The following KCNIP4 variants were observed in gnomAD, a reference collection of about 807,000 sequenced individuals.
The protein encoded by KCNIP4 is Kv channel-interacting protein 4.
KCNIP4 carries 12 observed loss-of-function variants against 34.0 expected under a neutral mutation model. The observed-to-expected ratio is 0.35, with a 90% confidence interval of 0.23 to 0.57. KCNIP4 has a LOEUF of 0.57. KCNIP4 is among the 20% of genes least tolerant of loss of function. KCNIP4 has a pLI of 0.83. For missense variants in KCNIP4, 238 were observed against 311.7 expected, an observed-to-expected ratio of 0.76 and a Z score of 1.78; for synonymous variants, 124 against 102.2, an observed-to-expected ratio of 1.21 and a Z score of -1.29.
chr4:21,345,943 T>G (rs1307550756), intron 1 of KCNIP4, among the ~76,000 whole-genome samples: 1 of 149,936 alleles, frequency 6.7e-6, no homozygotes, highest in Non-Finnish European at 1.5e-5. Flanking sequence ...TATGATTTCA[T>G]TTTGGAGCAC....
chr4:21,609,618 A>G (rs1743993055), intron 1 of KCNIP4, among the ~76,000 whole-genome samples: 1 of 152,244 alleles, frequency 6.6e-6, no homozygotes, highest in Admixed American at 6.5e-5. Context: ...AAGTAATCAC[A>G]ATGAAGATGA....
At chr4:20,774,738 G>C (rs1311852306) in intron 3 of KCNIP4, among the ~76,000 whole-genome samples, 1 of 152,146 alleles carries the variant, frequency 6.6e-6, no homozygotes, top group African/African-American at 2.4e-5. Flanking sequence ...AGGAGATATT[G>C]CTGGGGAAGA....
chr4:21,328,743 G>C (rs1248919068), intron 1 of KCNIP4, among the ~76,000 whole-genome samples: 3 of 152,214 alleles, frequency 2.0e-5, no homozygotes, highest in Non-Finnish European at 4.4e-5. Context: ...GAAACTTCAG[G>C]AATCTACCTG....
intron 3 of KCNIP4, among the ~76,000 whole-genome samples, chr4:20,771,624 A>G (rs1485414345): frequency 2.0e-5 from 3 of 152,116 alleles, no homozygotes; most frequent in Non-Finnish European, 4.4e-5. Flanking sequence ...TTTAAAGTCT[A>G]TCCAAAGACA....
intron 1 of KCNIP4, among the ~76,000 whole-genome samples, chr4:21,452,822 A>G (rs1232180025): frequency 6.7e-6 from 1 of 148,522 alleles, no homozygotes; most frequent in African/African-American, 2.5e-5. Flanking sequence ...GTCCTTTTTG[A>G]AAAAGTCCTT....
At chr4:20,851,885 T>C (rs1721070867) in intron 2 of KCNIP4, among the ~76,000 whole-genome samples, 1 of 152,084 alleles carries the variant, frequency 6.6e-6, no homozygotes, top group South Asian at 2.1e-4. Flanking sequence ...TCCAATGAAA[T>C]CAGATATTTT....
chr4:21,532,571 C>G (rs1262745058), intron 1 of KCNIP4, among the ~76,000 whole-genome samples: 1 of 152,108 alleles, frequency 6.6e-6, no homozygotes, highest in Admixed American at 6.5e-5. Flanking sequence ...TAGCAGCATT[C>G]TGGTCTCACA....
intron 2 of KCNIP4, among the ~76,000 whole-genome samples, chr4:20,855,961 A>G (rs981256303): frequency 2.6e-5 from 4 of 152,324 alleles, no homozygotes; most frequent in Non-Finnish European, 4.4e-5. Flanking sequence ...GAAGAGCTCA[A>G]AGTAGCTGGA....
chr4:21,619,683 A>G (rs1744872430), intron 1 of KCNIP4, among the ~76,000 whole-genome samples: 1 of 152,210 alleles, frequency 6.6e-6, no homozygotes, highest in Non-Finnish European at 1.5e-5. Context: ...AAATTTACTA[A>G]TAACTTTTTC....
intron 1 of KCNIP4, among the ~76,000 whole-genome samples, chr4:21,497,301 T>G (rs1295674971): frequency 1.3e-5 from 2 of 152,190 alleles, no homozygotes; most frequent in Non-Finnish European, 2.9e-5. Flanking sequence ...CACTCAGTCT[T>G]CAGTAAGGGT....
rs575993750 is a variant in KCNIP4 at position 21,325,217 on chromosome 4, C to T, written c.62-442508G>A. On this transcript the variant is annotated intron_variant, in intron 1 of 8. Coordinates refer to ENST00000382152, the MANE Select transcript of KCNIP4 (RefSeq NM_025221.6). ...TTAAATGTTTGATAGAGTTCAGCAG[C>T]GAAGCCAGTGGGTCCTGGGTTTTTT... 1.9e-3 allele frequency among the ~76,000 whole-genome samples: 295 copies of T among 151,880 alleles called. 4 individuals are homozygous for T. The South Asian group carries it at 0.029, about 15-fold the overall frequency.
chr4:21,548,143 G>T (rs74650047), intron 1 of KCNIP4, among the ~76,000 whole-genome samples: 8,361 of 152,188 alleles, frequency 0.055, 355 homozygotes, highest in South Asian at 0.17. Flanking sequence ...GAGCACAGCA[G>T]TGTCACCAGA....
intron 1 of KCNIP4, among the ~76,000 whole-genome samples, chr4:21,489,546 G>C (rs562920940): frequency 6.6e-6 from 1 of 152,096 alleles, no homozygotes; most frequent in South Asian, 2.1e-4. Flanking sequence ...TAGCTCACTA[G>C]CATCTTTTAT....
chr4:21,273,017 T>C (rs1425343), intron 1 of KCNIP4, among the ~76,000 whole-genome samples: 38,999 of 152,100 alleles, frequency 0.26, 5,186 homozygotes, highest in South Asian at 0.35. Flanking sequence ...TCTCATTTTA[T>C]TGTGTCACTG....
intron 1 of KCNIP4, among the ~76,000 whole-genome samples, chr4:21,647,132 C>A (rs1464265421): frequency 2.0e-5 from 3 of 151,948 alleles, no homozygotes; most frequent in South Asian, 2.1e-4. Flanking sequence ...TTAAATATAT[C>A]TTTTAATCTA....
chr4:21,287,346 A>G lies in KCNIP4; in HGVS notation c.62-404637T>C, dbSNP rs568096902. On this transcript the variant is annotated intron_variant, in intron 1 of 8. Coordinates refer to ENST00000382152, the MANE Select transcript of KCNIP4 (RefSeq NM_025221.6). ...TATTTATAGATACATGAGAAGAAAT[A>G]TGTGTGTACTAAACATAGGTCCATA... Among the ~76,000 whole-genome samples the G allele has an allele frequency of 2.1e-4, 32 of 152,314 alleles. 1 individual carries two copies. In the South Asian group the frequency reaches 6.6e-3, roughly 32 times the overall value.
chr4:21,153,989 A>T (rs1271726116), intron 1 of KCNIP4, among the ~76,000 whole-genome samples: 3 of 151,104 alleles, frequency 2.0e-5, no homozygotes, highest in Non-Finnish European at 4.5e-5. Context: ...AGTTAAAAAA[A>T]AAATGGAAAA....
intron 1 of KCNIP4, among the ~76,000 whole-genome samples, chr4:21,823,007 C>A (rs1295204005): frequency 6.6e-6 from 1 of 151,686 alleles, no homozygotes; most frequent in Non-Finnish European, 1.5e-5. Context: ...GTGAGCTGAC[C>A]AAATAATTTT....
intron 4 of KCNIP4, among the ~76,000 whole-genome samples, chr4:20,755,975 G>A (rs1196892408): frequency 2.0e-5 from 3 of 152,138 alleles, no homozygotes; most frequent in East Asian, 1.9e-4. Flanking sequence ...TGTAGGTTGT[G>A]GCTTATGTTC....
Sources: gnomAD v4.1 joint callset for allele counts (sites outside exome capture counted in the v4.1 genomes callset) on GRCh38, gnomAD v4.1.1 for gene constraint, MANE v1.5 for transcripts, NCBI Gene and HGNC (gene_info 2026-07-23, HGNC 2026-07-21) for gene names.